MYOF: variants seen among roughly 807,000 people sequenced by gnomAD.
MYOF encodes fer-1-like 3, myoferlin.
A neutral mutation model predicts 284.2 loss-of-function variants in MYOF; 244 were observed. That is an observed-to-expected ratio of 0.86 (90% CI 0.77 to 0.95). MYOF has a LOEUF of 0.95. Among genes scored for constraint, MYOF ranks in the 40% least tolerant of loss-of-function variants. MYOF has a pLI of 0.00. For missense variants in MYOF, 2,496 were observed against 2,560.6 expected (o/e 0.97, Z 0.54); for synonymous variants, 904 against 919.7 (o/e 0.98, Z 0.31).
intron 1 of MYOF, among the ~76,000 whole-genome samples, chr10:93,480,175 C>T (rs1291955617): frequency 1.3e-5 from 2 of 152,060 alleles, no homozygotes; most frequent in African/African-American, 4.8e-5. Flanking sequence ...TTAATAAAAC[C>T]TAACACATGT....
intron 45 of MYOF, among the ~76,000 whole-genome samples, chr10:93,326,790 A>G (rs11592465): frequency 0.043 from 6,545 of 151,512 alleles, 218 homozygotes; most frequent in Non-Finnish European, 0.066. Flanking sequence ...ACACGCAGCT[A>G]ATTTTTGTAT....
chr10:93,335,891 T>A, intron 41 of MYOF, 30 bp downstream of exon 41: 1 of 1,606,772 alleles, frequency 6.2e-7, no homozygotes, highest in Admixed American at 1.7e-5. Context: ...AAGGTGGATT[T>A]TAAACGGGAC....
intron 43 of MYOF, among the ~76,000 whole-genome samples, chr10:93,332,828 C>CAG (rs1216992098): frequency 5.9e-5 from 9 of 151,958 alleles, no homozygotes; most frequent in Admixed American, 3.9e-4. Context: ...GCATGGGTGA[C>CAG]AGCAAGACTC....
chr10:93,387,715 C>A (rs1361733147), intron 19 of MYOF, 82 bp downstream of exon 19: 16 of 1,142,498 alleles, frequency 1.4e-5, no homozygotes, highest in Middle Eastern at 2.0e-4. Flanking sequence ...AGTTGGGTTG[C>A]CTTCCGACTC....
rs941744923 is a variant in MYOF, at chr10:93,424,457, G to GT, written c.433+1613dup. Among the ~76,000 whole-genome samples the GT allele has an allele frequency of 2.5e-3, 377 of 151,172 alleles. 1 individual carries two copies. The highest frequency in any genetic ancestry group is 0.013 in the East Asian group (68 of 5,126). ...CTCTGTGTTTCGTGGTTTTTTGTTT[G>GT]TTTTTTTTTGTCATCACTGCTGTGG... On this transcript the variant is annotated intron_variant, in intron 5 of 53. Transcript: ENST00000359263.
chr10:93,310,391 C>T (rs572624991), intron 52 of MYOF, 143 bp downstream of exon 52: 10 of 995,092 alleles, frequency 1.0e-5, no homozygotes, highest in African/African-American at 8.2e-5. Context: ...AGCCAGATCA[C>T]CAACCTCTCC....
intron 9 of MYOF, among the ~76,000 whole-genome samples, chr10:93,403,520 T>C (rs1180409997): frequency 2.6e-5 from 4 of 152,228 alleles, no homozygotes; most frequent in Admixed American, 2.0e-4. Context: ...TAGTGACTGG[T>C]GCTCCTTTCT....
At chr10:93,385,002 A>G (rs1846297189) in intron 19 of MYOF, among the ~76,000 whole-genome samples, 1 of 152,196 alleles carries the variant, frequency 6.6e-6, no homozygotes, top group Non-Finnish European at 1.5e-5. Flanking sequence ...TGTTTCTAGC[A>G]ATATTTTTGA....
intron 49 of MYOF, among the ~76,000 whole-genome samples, chr10:93,317,657 C>A (rs1842673010): frequency 6.6e-6 from 1 of 152,028 alleles, no homozygotes; most frequent in South Asian, 2.1e-4. Flanking sequence ...ACAAAACAAA[C>A]CACTGGCTTT....
In MYOF at chr10:93,482,273, G is replaced by C; in HGVS notation, c.-79C>G. On this transcript the variant is annotated 5_prime_UTR_variant, in exon 1 of 54. Coordinates refer to ENST00000359263, the MANE Select transcript of MYOF (RefSeq NM_013451.4). ...CTGGAGCTCCGGGTCGCACCGCCCT[G>C]GGAGAGAAGTTCTCTCCCAGTGAAG... 8.2e-7 allele frequency: 1 copy of C among 1,222,330 alleles called. No homozygotes were observed. Among genetic ancestry groups the C allele is most frequent in the African/African-American group, 1.5e-5 (1 of 65,792 alleles). The allele number at this position is 1,222,330 out of a possible 1,614,324, so 75.7% of individuals were successfully genotyped here.
intron 30 of MYOF, 91 bp downstream of exon 30, chr10:93,356,584 G>A: frequency 7.3e-7 from 1 of 1,371,972 alleles, no homozygotes; most frequent in Non-Finnish European, 1.0e-6. Context: ...CAGGGTTACA[G>A]GGACCTCTAT....
At chr10:93,363,006 A>G (rs961373196) in intron 27 of MYOF, among the ~76,000 whole-genome samples, 9 of 152,246 alleles carry the variant, frequency 5.9e-5, no homozygotes, top group African/African-American at 2.2e-4. Context: ...CATTGCTTAT[A>G]AAAACCAACG....
intron 3 of MYOF, among the ~76,000 whole-genome samples, chr10:93,446,597 G>T (rs1247756903): frequency 6.6e-6 from 1 of 152,056 alleles, no homozygotes; most frequent in African/African-American, 2.4e-5. Context: ...CAAATGTCAG[G>T]GGGATGGAAG....
intron 43 of MYOF, among the ~76,000 whole-genome samples, chr10:93,332,221 C>A (rs1589399580): frequency 1.3e-5 from 1 of 74,622 alleles, no homozygotes; most frequent in Non-Finnish European, 2.7e-5. Flanking sequence ...AATCCTCATT[C>A]TTTTATTTTT....
At chr10:93,417,673 C>A (rs1848190744) in intron 5 of MYOF, among the ~76,000 whole-genome samples, 1 of 152,032 alleles carries the variant, frequency 6.6e-6, no homozygotes, top group African/African-American at 2.4e-5. Context: ...TCATTGTCCC[C>A]CCACCTCCAT....
At position 93,394,448 on chromosome 10, in the gene MYOF, C is replaced by CTCTTTTTTTTTTTT. The variant is rs1846871495; in HGVS notation, c.1418-1494_1418-1493insAAAAAAAAAAAAGA. On this transcript the variant is annotated intron_variant, in intron 16 of 53. Coordinates refer to ENST00000359263, the MANE Select transcript of MYOF (RefSeq NM_013451.4). ...ATATCTCCTTTGGTCACCATCTTGT[C>CTCTTTTTTTTTTTT]TTTTTTTTTTTTTTTTTTTTTTTTT... 2.5e-3 allele frequency among the ~76,000 whole-genome samples: 71 copies of CTCTTTTTTTTTTTT among 28,696 alleles called. 1 individual carries two copies. Among genetic ancestry groups the CTCTTTTTTTTTTTT allele is most frequent in the Non-Finnish European group, 2.9e-3 (44 of 15,344 alleles). 18.8% of individuals were successfully genotyped at this position (28,696 alleles called of 152,430 possible).
At chr10:93,396,427 AT>A (rs1169893125) in intron 15 of MYOF, among the ~76,000 whole-genome samples, 1 of 152,082 alleles carries the variant, frequency 6.6e-6, no homozygotes, top group Non-Finnish European at 1.5e-5. Context: ...TCCTGCCCAC[AT>A]TTTTAATTCA....
rs1195537485 is a variant in MYOF at position 93,335,915 on chromosome 10, A to G, written c.4563+6T>C. 1 of 1,613,030 alleles carries G rather than the reference A, an allele frequency of 6.2e-7. No individual in the cohort carries two copies. Among genetic ancestry groups the G allele is most frequent in the Non-Finnish European group, 8.5e-7 (1 of 1,179,774 alleles). On this transcript the variant is annotated splice_donor_region_variant and intron_variant, in intron 41 of 53. Transcript: ENST00000359263. ...TTTAAACGGGACCAACACACATCTT[A>G]CTCACCTTAAACTCTCCAACCACAG...
At chr10:93,468,394 C>T (rs997754523) in intron 1 of MYOF, among the ~76,000 whole-genome samples, 2 of 152,204 alleles carry the variant, frequency 1.3e-5, no homozygotes, top group Non-Finnish European at 2.9e-5. Context: ...AATGAGAAAG[C>T]ATACCCATGC....
Sources: allele counts gnomAD v4.1 joint callset (sites outside exome capture counted in the v4.1 genomes callset), GRCh38; gene constraint gnomAD v4.1.1; transcripts MANE v1.5; gene names NCBI Gene and HGNC (gene_info 2026-07-23, HGNC 2026-07-21).